FAM20C: variants seen among roughly 807,000 people sequenced by gnomAD.
FAM20C encodes FAM20C golgi associated secretory pathway kinase.
In FAM20C, 40 loss-of-function variants were observed where a neutral mutation model predicts 51.5. The ratio of observed to expected loss-of-function variants is 0.78; its 90% CI spans 0.60 to 1.01. FAM20C has a LOEUF of 1.01. FAM20C is among the 50% of genes least tolerant of loss of function. FAM20C has a pLI of 0.00. For synonymous variants in FAM20C, 406 were observed against 380.6 expected (o/e 1.07, Z -0.78); for missense variants, 861 against 844.7 (o/e 1.02, Z -0.24).
chr7:250,543 C>T (rs1788355790), intron 5 of FAM20C, among the ~76,000 whole-genome samples: 3 of 152,198 alleles, frequency 2.0e-5, no homozygotes, highest in Admixed American at 2.0e-4. Flanking sequence ...ACAATTCAGT[C>T]CCTGTTTGGA....
intron 5 of FAM20C, among the ~76,000 whole-genome samples, chr7:249,174 G>A (rs144734720): frequency 0.39 from 58,941 of 151,896 alleles, 11,501 homozygotes; most frequent in Middle Eastern, 0.47. Context: ...CTCCCCACTC[G>A]GACTTAAACA....
intron 1 of FAM20C, 60 bp from the exon 2 acceptor site, chr7:195,494 T>A (rs1276838861): frequency 7.3e-7 from 1 of 1,370,332 alleles, no homozygotes; most frequent in East Asian, 2.8e-5. Flanking sequence ...CCTCTCCCCG[T>A]CATCCGACTC....
intron 5 of FAM20C, among the ~76,000 whole-genome samples, chr7:253,820 C>A (rs1788493235): frequency 6.6e-6 from 1 of 152,228 alleles, no homozygotes; most frequent in Admixed American, 6.5e-5. Context: ...TAACACGATA[C>A]CATCTGAAAC....
At chr7:236,555 C>A (rs975151248) in intron 3 of FAM20C, among the ~76,000 whole-genome samples, 31,532 of 152,232 alleles carry the variant, frequency 0.21, 3,776 homozygotes, top group East Asian at 0.31. Context: ...CTTGCTCCCA[C>A]TTCTTACTCT....
At chr7:216,684 A>AGT (rs1176075605) in intron 3 of FAM20C, among the ~76,000 whole-genome samples, 5 of 149,376 alleles carry the variant, frequency 3.3e-5, no homozygotes, top group Admixed American at 1.3e-4. Context: ...TGTGTGTGAG[A>AGT]GTGTGTGTGT....
intron 8 of FAM20C, chr7:257,385 C>G (rs533290852): frequency 2.5e-6 from 1 of 395,216 alleles, no homozygotes; most frequent in South Asian, 3.4e-5. Context: ...AGAGCAGGAC[C>G]GTGCAGAATA....
intron 8 of FAM20C, 25 bp downstream of exon 8, chr7:257,111 AC>A: frequency 6.5e-7 from 1 of 1,534,698 alleles, no homozygotes; most frequent in Non-Finnish European, 8.7e-7. Context: ...GCCCCTGCAC[AC>A]CCAGGGAAGG....
intron 3 of FAM20C, among the ~76,000 whole-genome samples, chr7:245,419 T>C (rs1205409289): frequency 6.6e-6 from 1 of 151,604 alleles, no homozygotes; most frequent in Non-Finnish European, 1.5e-5. Flanking sequence ...CGGGCTCTCC[T>C]TCCAGTGGAG....
chr7:256,134 G>C, intron 6 of FAM20C, 105 bp downstream of exon 6: 1 of 1,352,352 alleles, frequency 7.4e-7, no homozygotes, highest in Non-Finnish European at 9.9e-7. Context: ...GCAGAGATGG[G>C]TGCAGAGCCT....
At chr7:211,286 G>T (rs1336317457) in intron 3 of FAM20C, among the ~76,000 whole-genome samples, 1 of 138,440 alleles carries the variant, frequency 7.2e-6, no homozygotes, top group African/African-American at 2.8e-5. Context: ...CCTTTTCTGA[G>T]CCTCCCCTTA....
At chr7:259,626 G>T in intron 9 of FAM20C, 105 bp from the exon 10 acceptor site, 20 of 1,185,724 alleles carry the variant, frequency 1.7e-5, no homozygotes, top group Admixed American at 3.6e-5. Flanking sequence ...TTCTCTCTCT[G>T]TCTCTCCCCC....
chr7:259,260 A>G (rs906352258), intron 9 of FAM20C, among the ~76,000 whole-genome samples: 1 of 150,870 alleles, frequency 6.6e-6, no homozygotes, highest in Non-Finnish European at 1.5e-5. Flanking sequence ...TCACCTCCCC[A>G]TCCTCCTGCC....
chr7:202,403 A>G (rs1786175460), intron 2 of FAM20C, among the ~76,000 whole-genome samples: 1 of 146,050 alleles, frequency 6.8e-6, no homozygotes, highest in African/African-American at 2.6e-5. Flanking sequence ...TCCTGTGTGC[A>G]TAGAGAGGAC....
rs1025161065 is a variant in FAM20C, at chr7:193,502, C to T, written c.303C>T (p.Asn101=). The change falls in exon 1 of 10, where the codon AAC becomes AAT. Residue 101 remains asparagine (N), a synonymous_variant. Coordinates refer to ENST00000313766, the MANE Select transcript of FAM20C (RefSeq NM_020223.4). ...ACTTCAGCTCCGACCCCTCCTCCAA[C>T]CTCTCGTCCCACTCGCTGGAGAAAC... The part of the protein sequence containing the change: ...LQDFSSDPSS[N]LSSHSLEKLP... The T allele has an allele frequency of 2.2e-5, 33 of 1,503,420 alleles. No individual in the cohort carries two copies. The Admixed American group carries it at 6.6e-4, about 30-fold the overall frequency. The allele number at this position is 1,503,420 out of a possible 1,614,324, so 93.1% of individuals were successfully genotyped here. A position where few individuals can be genotyped will look rare whatever the true frequency, so the allele number is the denominator to read the frequency against.
In FAM20C at chr7:248,244, T is replaced by C. The variant is rs1488656362; in HGVS notation, c.957-71T>C. On this transcript the variant is annotated intron_variant, in intron 4 of 9. Transcript: ENST00000313766. Reference sequence around the variant, plus strand: ...AGACCCTCCCCTGCCCCGTTCTTATTTGGAGGCAGGGACACAGAGGCCCGC... The same window carrying C: ...AGACCCTCCCCTGCCCCGTTCTTATCTGGAGGCAGGGACACAGAGGCCCGC... 5.5e-6 allele frequency: 6 copies of C among 1,088,600 alleles called. No homozygotes were observed. In the East Asian group the frequency reaches 1.3e-4, roughly 24 times the overall value. The allele number at this position is 1,088,600 out of a possible 1,614,324, so 67.4% of individuals were successfully genotyped here. A position where few individuals can be genotyped will look rare whatever the true frequency, so the allele number is the denominator to read the frequency against.
At chr7:256,420 G>A (rs1173986084) in intron 6 of FAM20C, 7 of 578,692 alleles carry the variant, frequency 1.2e-5, no homozygotes, top group Admixed American at 9.2e-5. Context: ...CAAAAAACAC[G>A]GGGCCCAGAG....
At chr7:230,737 T>C (rs186288760) in intron 3 of FAM20C, among the ~76,000 whole-genome samples, 1 of 43,024 alleles carries the variant, frequency 2.3e-5, no homozygotes, top group African/African-American at 3.9e-5. Flanking sequence ...CTCAGTAATA[T>C]ACTGAATAAT....
intron 2 of FAM20C, among the ~76,000 whole-genome samples, chr7:204,693 T>A (rs1244661684): frequency 6.6e-6 from 1 of 152,232 alleles, no homozygotes; most frequent in Non-Finnish European, 1.5e-5. Context: ...ACTGCCGCTG[T>A]TCTCAGTGTT....
At chr7:220,483 C>T (rs558037039) in intron 3 of FAM20C, among the ~76,000 whole-genome samples, 12 of 152,280 alleles carry the variant, frequency 7.9e-5, no homozygotes, top group African/African-American at 2.4e-4. Flanking sequence ...GGGACTGAAA[C>T]GAAGGAGCAT....
Sources: gnomAD v4.1 joint callset for allele counts (sites outside exome capture counted in the v4.1 genomes callset) on GRCh38, gnomAD v4.1.1 for gene constraint, MANE v1.5 for transcripts, NCBI Gene and HGNC (gene_info 2026-07-23, HGNC 2026-07-21) for gene names.